DPP10: variants seen among roughly 807,000 people sequenced by gnomAD.
The protein encoded by DPP10 is dipeptidyl peptidase like 10.
In DPP10, 33 loss-of-function variants were observed where a neutral mutation model predicts 120.9. The observed-to-expected ratio is 0.27, with a 90% CI of 0.21 to 0.37. DPP10 has a LOEUF of 0.37. Ranked by LOEUF, DPP10 falls within the 10% of genes least tolerant of loss-of-function variation. The probability of loss-of-function intolerance (pLI) is 1.00; values close to 1 mark genes in which losing one functional copy is unlikely to be tolerated. For missense variants in DPP10, 816 were observed against 942.8 expected (o/e 0.87, Z 1.76); for synonymous variants, 337 against 326.1 (o/e 1.03, Z -0.36).
intron 4 of DPP10, among the ~76,000 whole-genome samples, chr2:115,501,352 A>G (rs1558764449): frequency 6.6e-6 from 1 of 152,048 alleles, no homozygotes; most frequent in Non-Finnish European, 1.5e-5. Flanking sequence ...TTATTATTCC[A>G]TTATCTCAAT....
intron 1 of DPP10, among the ~76,000 whole-genome samples, chr2:114,869,732 C>T: frequency 6.6e-6 from 1 of 152,142 alleles, no homozygotes; most frequent in Non-Finnish European, 1.5e-5. Flanking sequence ...TTGAGAACTA[C>T]AAGTGAGAAA....
At chr2:115,538,550 A>T (rs2079000661) in intron 5 of DPP10, among the ~76,000 whole-genome samples, 1 of 151,978 alleles carries the variant, frequency 6.6e-6, no homozygotes, top group South Asian at 2.1e-4. Flanking sequence ...GGCAATGCTG[A>T]CTGGAGTTCA....
At chr2:114,990,174 C>A (rs1291653703) in intron 1 of DPP10, among the ~76,000 whole-genome samples, 1 of 152,048 alleles carries the variant, frequency 6.6e-6, no homozygotes, top group Non-Finnish European at 1.5e-5. Context: ...AAACTACAGT[C>A]TTATATAAAG....
intron 1 of DPP10, among the ~76,000 whole-genome samples, chr2:115,301,749 T>TAA (rs769206365): frequency 1.3e-5 from 2 of 152,026 alleles, no homozygotes; most frequent in Non-Finnish European, 2.9e-5. Context: ...TATTTTGTCT[T>TAA]TTTTAGTAGC....
chr2:114,999,862 AC>A (rs531765802), intron 1 of DPP10, among the ~76,000 whole-genome samples: 79 of 152,290 alleles, frequency 5.2e-4, no homozygotes, highest in African/African-American at 1.8e-3. Flanking sequence ...ATAAAACAAA[AC>A]TTTATTAGTG....
At chr2:114,724,285 A>T (rs1474708898) in intron 1 of DPP10, among the ~76,000 whole-genome samples, 1 of 152,234 alleles carries the variant, frequency 6.6e-6, no homozygotes, top group Non-Finnish European at 1.5e-5. Flanking sequence ...CACACACTGG[A>T]CACCATAACT....
chr2:115,178,500 G>T (rs780761383), intron 1 of DPP10, among the ~76,000 whole-genome samples: 1 of 152,172 alleles, frequency 6.6e-6, no homozygotes, highest in Non-Finnish European at 1.5e-5. Flanking sequence ...TGTCATCTGT[G>T]GAGGAGAGTG....
rs538020193 is a variant in DPP10, at chr2:115,659,717, T to C, written c.442-29970T>C. Among the ~76,000 whole-genome samples the C allele has an allele frequency of 5.3e-5, 8 of 152,304 alleles. No homozygotes were observed. In the East Asian group the frequency reaches 1.2e-3, roughly 22 times the overall value. On this transcript the variant is annotated intron_variant, in intron 5 of 25. Coordinates refer to ENST00000410059, the MANE Select transcript of DPP10 (RefSeq NM_020868.6). ...TGTATGTCTAATATACAGAGAAATT[T>C]CCAAAGACTTTTTAATCTTTGCTTA...
chr2:115,503,141 C>T (rs1423334440), intron 4 of DPP10, among the ~76,000 whole-genome samples: 1 of 152,098 alleles, frequency 6.6e-6, no homozygotes, highest in African/African-American at 2.4e-5. Flanking sequence ...GAAGGAAATT[C>T]ATATATGGCA....
rs114355507 is a variant in DPP10 at position 115,540,058 on chromosome 2, C to T, written c.441+14086C>T. 7.4e-3 allele frequency among the ~76,000 whole-genome samples: 1,123 copies of T among 151,748 alleles called. 6 individuals carry two copies. Among genetic ancestry groups the T allele is most frequent in the African/African-American group, 0.025 (1,029 of 41,454 alleles). On this transcript the variant is annotated intron_variant, in intron 5 of 25. Coordinates refer to ENST00000410059, the MANE Select transcript of DPP10 (RefSeq NM_020868.6). ...TGTGGGGGTCTCTAAATAGAAAGGA[C>T]CTTAGTGTTTCTGAGGAAAGAAGAA...
chr2:114,838,760 G>T (rs1453599173), intron 1 of DPP10, among the ~76,000 whole-genome samples: 1 of 152,102 alleles, frequency 6.6e-6, no homozygotes, highest in Non-Finnish European at 1.5e-5. Flanking sequence ...TCTTTCATCT[G>T]ATCACTGCAG....
chr2:115,181,120 T>C (rs904301778), intron 1 of DPP10, among the ~76,000 whole-genome samples: 2 of 150,808 alleles, frequency 1.3e-5, no homozygotes, highest in African/African-American at 2.4e-5. Context: ...TCTGTTCTTT[T>C]TATCCTGGAG....
intron 1 of DPP10, among the ~76,000 whole-genome samples, chr2:115,030,267 C>T (rs1231468589): frequency 6.6e-6 from 1 of 151,610 alleles, no homozygotes; most frequent in African/African-American, 2.4e-5. Flanking sequence ...TGGTTTCTTA[C>T]TTTGGTTTTC....
intron 1 of DPP10, among the ~76,000 whole-genome samples, chr2:115,059,513 C>G (rs1559045429): frequency 6.6e-6 from 1 of 151,954 alleles, no homozygotes; most frequent in Non-Finnish European, 1.5e-5. Flanking sequence ...GTATGCTGTT[C>G]TGAACAATCA....
chr2:114,737,176 A>G lies in DPP10; in HGVS notation c.60+294338A>G, dbSNP rs77547325. Among the ~76,000 whole-genome samples the G allele has an allele frequency of 7.7e-3, 1,165 of 152,262 alleles. 13 individuals are homozygous for G. The highest frequency in any genetic ancestry group is 0.026 in the African/African-American group (1,097 of 41,552). ...AGGACCTGTTTTTATTGCATGCTGG[A>G]TATTAGTTGTTATGTGCTTATTCTC... On this transcript the variant is annotated intron_variant, in intron 1 of 25. Transcript: ENST00000410059.
intron 3 of DPP10, among the ~76,000 whole-genome samples, chr2:115,459,332 T>G (rs1242353090): frequency 2.0e-5 from 3 of 152,062 alleles, no homozygotes; most frequent in Non-Finnish European, 4.4e-5. Flanking sequence ...AATTTTTGTA[T>G]TTTTAATAGA....
At chr2:115,185,718 C>T (rs879375454) in intron 1 of DPP10, among the ~76,000 whole-genome samples, 9 of 152,200 alleles carry the variant, frequency 5.9e-5, no homozygotes, top group Admixed American at 2.6e-4. Flanking sequence ...ATATCCAATT[C>T]GGCATAGATG....
intron 1 of DPP10, among the ~76,000 whole-genome samples, chr2:114,836,340 T>A (rs1299369262): frequency 6.6e-6 from 1 of 152,110 alleles, no homozygotes; most frequent in Non-Finnish European, 1.5e-5. Context: ...TCCCTAAGCA[T>A]TGGCCAGTTT....
chr2:115,389,657 C>G (rs1411849302), intron 3 of DPP10, among the ~76,000 whole-genome samples: 1 of 152,024 alleles, frequency 6.6e-6, no homozygotes, highest in Non-Finnish European at 1.5e-5. Flanking sequence ...AGAGTAATGC[C>G]CATGAATTAT....
Sources: gnomAD v4.1 joint callset for allele counts (sites outside exome capture counted in the v4.1 genomes callset) on GRCh38, gnomAD v4.1.1 for gene constraint, MANE v1.5 for transcripts, NCBI Gene and HGNC (gene_info 2026-07-23, HGNC 2026-07-21) for gene names.